The following AUTS2 variants were observed in gnomAD, a reference collection of about 807,000 sequenced individuals.
AUTS2 encodes the protein activator of transcription and developmental regulator AUTS2.
In AUTS2, 17 loss-of-function variants were observed where a neutral mutation model predicts 112.4. The ratio of observed to expected loss-of-function variants is 0.15; its 90% confidence interval spans 0.10 to 0.23. The LOEUF (loss-of-function observed/expected upper bound fraction) is 0.23, where lower values mean the gene tolerates loss of function less well. Ranked by LOEUF, AUTS2 falls within the 10% of genes least tolerant of loss-of-function variation. The pLI is 1.00. For missense variants in AUTS2, 1,510 were observed against 1,701.6 expected, an observed-to-expected ratio of 0.89 and a Z score of 1.98; for synonymous variants, 751 against 702.7, an observed-to-expected ratio of 1.07 and a Z score of -1.09.
intron 4 of AUTS2, among the ~76,000 whole-genome samples, chr7:70,228,873 TG>T (rs1484545025): frequency 6.6e-6 from 1 of 151,992 alleles, no homozygotes; most frequent in Non-Finnish European, 1.5e-5. Context: ...GAAAAATGTA[TG>T]TATGATTTCT....
At chr7:70,071,829 G>A (rs143648975) in intron 2 of AUTS2, among the ~76,000 whole-genome samples, 1 of 152,350 alleles carries the variant, frequency 6.6e-6, no homozygotes, top group African/African-American at 2.4e-5. Flanking sequence ...GGCTGGGGAA[G>A]CATTTAAGTT....
chr7:69,777,880 T>A (rs1373182789), intron 1 of AUTS2, among the ~76,000 whole-genome samples: 1 of 152,158 alleles, frequency 6.6e-6, no homozygotes. Context: ...AGATCACTCA[T>A]GCTGGTTCAT....
chr7:70,512,509 A>G (rs1799237579), intron 5 of AUTS2, among the ~76,000 whole-genome samples: 1 of 152,132 alleles, frequency 6.6e-6, no homozygotes, highest in Non-Finnish European at 1.5e-5. Flanking sequence ...AGGGAGTGAC[A>G]GGGGCTGTGG....
chr7:70,121,521 G>T (rs1805682941), intron 3 of AUTS2, among the ~76,000 whole-genome samples: 2 of 152,016 alleles, frequency 1.3e-5, no homozygotes, highest in South Asian at 4.1e-4. Flanking sequence ...AATGGGCAAA[G>T]AATTTGAGAA....
chr7:69,614,367 T>TCTTTCTTTCTTTCTTTCTTTCTTTCTTTC lies in AUTS2; in HGVS notation c.309+14405_309+14406insCTTTCTTTCTTTCTTTCTTTCTTTCTTTC, dbSNP rs57602451. On this transcript the variant is annotated intron_variant, in intron 1 of 18. Transcript: ENST00000342771. ...TTCTTTCTTTCTTTCTTTCTTTCTT[T>TCTTTCTTTCTTTCTTTCTTTCTTTCTTTC]TTTTAAGAGATGGGATCTCACTCTG... Among the ~76,000 whole-genome samples, 82 of 90,264 alleles carry TCTTTCTTTCTTTCTTTCTTTCTTTCTTTC rather than the reference T, an allele frequency of 9.1e-4. 5 individuals are homozygous for TCTTTCTTTCTTTCTTTCTTTCTTTCTTTC. Among genetic ancestry groups the TCTTTCTTTCTTTCTTTCTTTCTTTCTTTC allele is most frequent in the Non-Finnish European group, 1.3e-3 (57 of 43,144 alleles). 59.2% of individuals were successfully genotyped at this position (90,264 alleles called of 152,430 possible).
At chr7:70,258,765 A>G (rs1206661402) in intron 4 of AUTS2, among the ~76,000 whole-genome samples, 1 of 152,212 alleles carries the variant, frequency 6.6e-6, no homozygotes, top group Non-Finnish European at 1.5e-5. Flanking sequence ...GACAAGGTAA[A>G]CTTCAAAAGT....
intron 2 of AUTS2, among the ~76,000 whole-genome samples, chr7:69,999,806 A>T (rs550288316): frequency 1.6e-4 from 24 of 152,330 alleles, no homozygotes; most frequent in Admixed American, 2.6e-4. Flanking sequence ...ATGGTACTTT[A>T]TATTTTAAAA....
intron 1 of AUTS2, among the ~76,000 whole-genome samples, chr7:69,605,450 GCT>G (rs1792666788): frequency 6.6e-6 from 1 of 152,166 alleles, no homozygotes; most frequent in Admixed American, 6.5e-5. Flanking sequence ...CTCATTAATA[GCT>G]CTTTCAGTGT....
chr7:70,566,175 T>C (rs1399450981), intron 5 of AUTS2, among the ~76,000 whole-genome samples: 1 of 152,334 alleles, frequency 6.6e-6, no homozygotes, highest in Middle Eastern at 3.4e-3. Context: ...TCTGCCAAAT[T>C]TGCCTTTGGC....
intron 5 of AUTS2, among the ~76,000 whole-genome samples, chr7:70,461,594 G>A (rs1480097697): frequency 1.3e-5 from 2 of 152,248 alleles, no homozygotes; most frequent in Non-Finnish European, 2.9e-5. Context: ...CATAGTAATC[G>A]CTAACATTGA....
At chr7:70,570,809 T>C (rs1286446207) in intron 5 of AUTS2, among the ~76,000 whole-genome samples, 1 of 152,226 alleles carries the variant, frequency 6.6e-6, no homozygotes, top group Non-Finnish European at 1.5e-5. Context: ...TCTTTCACTC[T>C]CTACCTCTTG....
intron 4 of AUTS2, among the ~76,000 whole-genome samples, chr7:70,304,422 G>A (rs1301378509): frequency 6.6e-6 from 1 of 152,226 alleles, no homozygotes; most frequent in African/African-American, 2.4e-5. Flanking sequence ...GTGGAGCACA[G>A]TTAACTGCCC....
At chr7:70,639,070 T>C (rs1805670887) in intron 5 of AUTS2, among the ~76,000 whole-genome samples, 3 of 152,152 alleles carry the variant, frequency 2.0e-5, no homozygotes, top group Admixed American at 6.5e-5. Flanking sequence ...CCATAACTCT[T>C]ACAAATGTAA....
At chr7:70,278,255 A>G (rs1214724477) in intron 4 of AUTS2, among the ~76,000 whole-genome samples, 1 of 152,166 alleles carries the variant, frequency 6.6e-6, no homozygotes, top group Non-Finnish European at 1.5e-5. Context: ...TAATAGTAGT[A>G]GGATGTATTT....
Position 70,621,164 on chromosome 7 carries a change from C to T in AUTS2, c.691-77405C>T, listed in dbSNP as rs1032927715. On this transcript the variant is annotated intron_variant, in intron 5 of 18. Coordinates refer to ENST00000342771, the MANE Select transcript of AUTS2 (RefSeq NM_015570.4). ...CCTTCCCTGATGCTCATGAATAGCACGTGGAAGGGTTGAGTGTTTCTGCCC... is the reference window on the plus strand; with the variant it reads ...CCTTCCCTGATGCTCATGAATAGCATGTGGAAGGGTTGAGTGTTTCTGCCC... Among the ~76,000 whole-genome samples the T allele has an allele frequency of 3.3e-5, 5 of 152,226 alleles. No individual in the cohort carries two copies. In the South Asian group the frequency reaches 1.0e-3, roughly 32 times the overall value.
chr7:70,149,213 A>G (rs936840419), intron 4 of AUTS2, among the ~76,000 whole-genome samples: 8 of 151,996 alleles, frequency 5.3e-5, no homozygotes, highest in African/African-American at 1.9e-4. Context: ...TTAATGTTGT[A>G]AATATCAATA....
intron 4 of AUTS2, chr7:70,294,310 C>T (rs1421347095): frequency 6.6e-6 from 1 of 152,142 alleles, no homozygotes; most frequent in Non-Finnish European, 1.5e-5. Context: ...GAAATGAATA[C>T]CGTGTTCTCA....
At chr7:69,859,479 G>A (rs1350695039) in intron 1 of AUTS2, among the ~76,000 whole-genome samples, 1 of 152,144 alleles carries the variant, frequency 6.6e-6, no homozygotes, top group African/African-American at 2.4e-5. Flanking sequence ...TGTTAGTAAC[G>A]GGCAGAAGTC....
Position 70,297,323 on chromosome 7 carries a change from G to A in AUTS2, c.661-138429G>A, listed in dbSNP as rs189727667. On this transcript the variant is annotated intron_variant, in intron 4 of 18. Coordinates refer to ENST00000342771, the MANE Select transcript of AUTS2 (RefSeq NM_015570.4). ...CTGTCTACGTAGTTAACTGAGAACC[G>A]TCTCCAAAGGGTTGTTCCTCTTGAG... Among the ~76,000 whole-genome samples, 233 of 152,140 alleles carry A rather than the reference G, an allele frequency of 1.5e-3. 1 individual carries two copies. The highest frequency in any genetic ancestry group is 5.1e-3 in the African/African-American group (210 of 41,508).
Sources: gnomAD v4.1 joint callset for allele counts (sites outside exome capture counted in the v4.1 genomes callset) on GRCh38, gnomAD v4.1.1 for gene constraint, MANE v1.5 for transcripts, NCBI Gene and HGNC (gene_info 2026-07-23, HGNC 2026-07-21) for gene names.